Variants in TNFSF10 observed in about 807,000 individuals in gnomAD.
The protein encoded by TNFSF10 is TNF superfamily member 10, also known as tumor necrosis factor ligand superfamily member 10.
Under a neutral mutation model 29.5 loss-of-function variants are expected in TNFSF10, and 13 were observed. The observed-to-expected ratio is 0.44, with a 90% confidence interval of 0.29 to 0.70. The LOEUF is 0.70. Ranked by LOEUF, TNFSF10 falls within the 30% of genes least tolerant of loss-of-function variation. The pLI, the probability that TNFSF10 is intolerant of heterozygous loss-of-function variation, is 0.13. For missense variants in TNFSF10, 345 were observed against 330.9 expected (o/e 1.04, Z -0.33); for synonymous variants, 111 against 112.8 (o/e 0.98, Z 0.10).
Position 172,505,514 on chromosome 3 carries a change from T to A in TNFSF10, c.*978A>T, listed in dbSNP as rs946467757. ...AAAGAACTGATACATTTGATCATAT[T>A]AAATTAAAAGTAAGAAATTTATTTC... is the stretch of plus-strand genomic sequence containing the variant. On this transcript the variant is annotated 3_prime_UTR_variant, in exon 5 of 5. Coordinates refer to ENST00000241261, the MANE Select transcript of TNFSF10 (RefSeq NM_003810.4). The A allele has an allele frequency of 1.3e-5, 2 of 152,002 alleles. No individual in the cohort carries two copies. Among genetic ancestry groups the A allele is most frequent in the Non-Finnish European group, 2.9e-5 (2 of 67,994 alleles). The allele number at this position is 152,002 out of a possible 1,614,324, so 9.4% of individuals were successfully genotyped here. A position where few individuals can be genotyped will look rare whatever the true frequency, so the allele number is the denominator to read the frequency against.
chr3:172,507,245 G>C (rs1353568815), intron 4 of TNFSF10: 1 of 266,738 alleles, frequency 3.7e-6, no homozygotes, highest in African/African-American at 2.2e-5. Flanking sequence ...GTTTCTCCTG[G>C]GCAGAACTTC....
At chr3:172,512,351 A>G (rs1197755864) in intron 2 of TNFSF10, among the ~76,000 whole-genome samples, 1 of 151,936 alleles carries the variant, frequency 6.6e-6, no homozygotes, top group East Asian at 1.9e-4. Flanking sequence ...TGAAAACCAA[A>G]CCTCTCTATT....
intron 4 of TNFSF10, among the ~76,000 whole-genome samples, chr3:172,507,708 A>ATATAAACTCATGT (rs1713042536): frequency 1.3e-5 from 2 of 152,204 alleles, no homozygotes; most frequent in Admixed American, 1.3e-4. Flanking sequence ...CATGACAATC[A>ATATAAACTCATGT]TTTATAAAAC....
intron 1 of TNFSF10, among the ~76,000 whole-genome samples, chr3:172,520,599 C>T (rs945271741): frequency 3.9e-5 from 6 of 152,186 alleles, no homozygotes; most frequent in Non-Finnish European, 8.8e-5. Flanking sequence ...ATTCGTGGTG[C>T]CTACCACATC....
At chr3:172,519,101 T>C (rs1713568269) in intron 1 of TNFSF10, among the ~76,000 whole-genome samples, 1 of 152,238 alleles carries the variant, frequency 6.6e-6, no homozygotes, top group African/African-American at 2.4e-5. Context: ...ACTTACATAA[T>C]AGAATTGTTA....
chr3:172,513,692 T>C (rs1265796468), intron 2 of TNFSF10, among the ~76,000 whole-genome samples: 2 of 152,240 alleles, frequency 1.3e-5, no homozygotes, highest in East Asian at 1.9e-4. Context: ...CTTATAAACA[T>C]GTGTAAAACA....
chr3:172,512,547 C>T (rs1440398129), intron 2 of TNFSF10, among the ~76,000 whole-genome samples: 1 of 152,192 alleles, frequency 6.6e-6, no homozygotes, highest in Non-Finnish European at 1.5e-5. Context: ...CACCGCAAGC[C>T]CTGATGCCGG....
rs191771361 is a variant in TNFSF10 at position 172,511,468 on chromosome 3, G to C, written c.313+149C>G. 627 of 575,010 alleles carry C rather than the reference G, an allele frequency of 1.1e-3. 5 individuals carry two copies. Among genetic ancestry groups the C allele is most frequent in the African/African-American group, 0.011 (565 of 52,230 alleles). The allele number at this position is 575,010 out of a possible 1,614,324, so 35.6% of individuals were successfully genotyped here. A position where few individuals can be genotyped will look rare whatever the true frequency, so the allele number is the denominator to read the frequency against. ...CCTAGCTGCCAATGTAAAGAGGGAA[G>C]TAGAATCAACAAGTGGCTTGAGATA... On this transcript the variant is annotated intron_variant, in intron 3 of 4. Coordinates refer to ENST00000241261, the MANE Select transcript of TNFSF10 (RefSeq NM_003810.4).
In TNFSF10 at chr3:172,522,508, T is replaced by G. The variant is rs1713743076; in HGVS notation, c.132+745A>C. The G allele has an allele frequency of 4.3e-6, 4 of 924,014 alleles. No individual in the cohort carries two copies. The African/African-American group carries it at 4.9e-5, about 11-fold the overall frequency. The allele number at this position is 924,014 out of a possible 1,614,324, so 57.2% of individuals were successfully genotyped here. ...GCACCTTTTAAAACCTGCTGCACAT[T>G]GGACTCAAAAGGAAAACTGAACCAA... On this transcript the variant is annotated intron_variant, in intron 1 of 4. Transcript: ENST00000241261.
chr3:172,508,830 A>C (rs3136599), intron 4 of TNFSF10, among the ~76,000 whole-genome samples: 35,904 of 151,904 alleles, frequency 0.24, 4,667 homozygotes, highest in East Asian at 0.53. Flanking sequence ...CGGAGGTTGC[A>C]GTGAGCCGAG....
chr3:172,516,830 T>A (rs1035172837), intron 1 of TNFSF10, among the ~76,000 whole-genome samples: 1 of 152,038 alleles, frequency 6.6e-6, no homozygotes, highest in African/African-American at 2.4e-5. Flanking sequence ...GATTCAGAAA[T>A]ATGAGAGCAT....
chr3:172,517,241 GGTCGTGGTGGA>G, intron 1 of TNFSF10: 1 of 736,814 alleles, frequency 1.4e-6, no homozygotes, highest in Non-Finnish European at 1.7e-6. Flanking sequence ...TGACAAGGAT[GGTCGTGGTGGA>G]GCTTGTGCCA....
chr3:172,518,666 A>T (rs1010248881), intron 1 of TNFSF10, among the ~76,000 whole-genome samples: 3 of 152,210 alleles, frequency 2.0e-5, no homozygotes, highest in Non-Finnish European at 4.4e-5. Context: ...GGTCCAATCC[A>T]ATGTTATGAA....
Position 172,506,409 on chromosome 3 carries a change from G to T in TNFSF10, c.*83C>A, listed in dbSNP as rs1712984300. 2 of 1,467,694 alleles carry T rather than the reference G, an allele frequency of 1.4e-6. No individual in the cohort carries two copies. The highest frequency in any genetic ancestry group is 1.8e-6 in the Non-Finnish European group (2 of 1,098,274). The allele number at this position is 1,467,694 out of a possible 1,614,324, so 90.9% of individuals were successfully genotyped here. A position where few individuals can be genotyped will look rare whatever the true frequency, so the allele number is the denominator to read the frequency against. On this transcript the variant is annotated 3_prime_UTR_variant, in exon 5 of 5. Coordinates refer to ENST00000241261, the MANE Select transcript of TNFSF10 (RefSeq NM_003810.4). ...GTTTTCTGTTTGTTTGTTTTGGTCA[G>T]ATTTTTTGAAACATCTTCATAGTGT...
At chr3:172,514,806 G>A in intron 2 of TNFSF10, 55 bp downstream of exon 2, 1 of 1,594,350 alleles carries the variant, frequency 6.3e-7, no homozygotes. Context: ...TTGCTTTAAG[G>A]AATTCTTCTG....
chr3:172,516,263 CAAA>C (rs34276385), intron 1 of TNFSF10, among the ~76,000 whole-genome samples: 1 of 124,454 alleles, frequency 8.0e-6, no homozygotes. Context: ...GACTCCATCT[CAAA>C]AAAAAAAAAA....
intron 1 of TNFSF10, among the ~76,000 whole-genome samples, chr3:172,515,871 G>C (rs1713408628): frequency 6.7e-6 from 1 of 148,554 alleles, no homozygotes; most frequent in Admixed American, 6.6e-5. Context: ...AAGCCAGAAG[G>C]GTTTTGTTTG....
chr3:172,514,362 T>TCTTCC (rs1434579934), intron 2 of TNFSF10, among the ~76,000 whole-genome samples: 1 of 152,260 alleles, frequency 6.6e-6, no homozygotes, highest in Non-Finnish European at 1.5e-5. Flanking sequence ...AGTATCTCTT[T>TCTTCC]CTTCCCTTCC....
intron 4 of TNFSF10, among the ~76,000 whole-genome samples, chr3:172,508,679 C>T (rs1006538701): frequency 1.3e-5 from 2 of 152,094 alleles, no homozygotes; most frequent in South Asian, 2.1e-4. Flanking sequence ...CACCTGAGGT[C>T]GGGAGTTCGA....
Sources: gnomAD v4.1 joint callset for allele counts (sites outside exome capture counted in the v4.1 genomes callset) on GRCh38, gnomAD v4.1.1 for gene constraint, MANE v1.5 for transcripts, NCBI Gene and HGNC (gene_info 2026-07-23, HGNC 2026-07-21) for gene names.